Variants in FGF13 observed in about 807,000 individuals in gnomAD.
FGF13 encodes fibroblast growth factor homologous factor 2.
Under a neutral mutation model 19.5 loss-of-function variants are expected in FGF13, and 2 were observed. The observed-to-expected ratio is 0.10, with a 90% CI of 0.04 to 0.32. FGF13 has a LOEUF of 0.32. FGF13 is among the 10% of genes least tolerant of loss of function. FGF13 has a pLI of 1.00. For synonymous variants in FGF13, 72 were observed against 76.9 expected (o/e 0.94, Z 0.33); for missense variants, 113 against 192.7 (o/e 0.59, Z 2.45).
chrX:138,815,687 T>A (rs1001898596), intron 3 of FGF13, among the ~76,000 whole-genome samples: 7 of 109,964 alleles, frequency 6.4e-5, no homozygotes, highest in African/African-American at 2.0e-4. Flanking sequence ...ATACATTACA[T>A]CCATGATTAC....
chrX:139,007,926 A>G, intron 1 of FGF13, among the ~76,000 whole-genome samples: 1 of 112,764 alleles, frequency 8.9e-6, no homozygotes, highest in Non-Finnish European at 1.9e-5. Context: ...GTCACTGGCT[A>G]TCTGGAAATA....
intron 2 of FGF13, among the ~76,000 whole-genome samples, chrX:138,703,384 G>T (rs1170712147): frequency 8.9e-6 from 1 of 112,083 alleles, no homozygotes; most frequent in Non-Finnish European, 1.9e-5. Flanking sequence ...AAAATGGAAG[G>T]CTTTTGGTCA....
At chrX:138,796,520 C>T (rs1228283646) in intron 3 of FGF13, among the ~76,000 whole-genome samples, 4 of 111,585 alleles carry the variant, frequency 3.6e-5, no homozygotes, top group Admixed American at 9.5e-5. Context: ...TAAATAGTTC[C>T]GTGATAAACA....
chrX:138,902,201 G>A (rs779234050), intron 1 of FGF13, among the ~76,000 whole-genome samples: 62 of 112,382 alleles, frequency 5.5e-4, no homozygotes, highest in Non-Finnish European at 1.0e-3. Context: ...CTTTTAGCCT[G>A]TTGAGTTGCA....
At chrX:139,119,919 G>T (rs181720788) in intron 1 of FGF13, among the ~76,000 whole-genome samples, 1 of 112,425 alleles carries the variant, frequency 8.9e-6, no homozygotes. Flanking sequence ...ATATGGTTTG[G>T]CTCTGTGTCC....
chrX:138,759,022 G>A (rs147156873), intron 3 of FGF13, among the ~76,000 whole-genome samples: 1 of 111,879 alleles, frequency 8.9e-6, no homozygotes, highest in Non-Finnish European at 1.9e-5. Context: ...AGGCCAACAG[G>A]GTAGCAAAAA....
chrX:138,878,553 G>A (rs1156361167), intron 1 of FGF13, among the ~76,000 whole-genome samples: 1 of 107,726 alleles, frequency 9.3e-6, no homozygotes, highest in African/African-American at 3.5e-5. Flanking sequence ...GTCTATCGTT[G>A]TTGGACATTT....
chrX:139,165,510 C>T (rs1468107972), intron 1 of FGF13, among the ~76,000 whole-genome samples: 2 of 111,300 alleles, frequency 1.8e-5, no homozygotes, highest in East Asian at 2.9e-4. Flanking sequence ...AGAAAAATCC[C>T]GAAAGCACTT....
At chrX:138,938,723 T>TTTTG (rs1195127272) in intron 1 of FGF13, among the ~76,000 whole-genome samples, 2 of 111,583 alleles carry the variant, frequency 1.8e-5, no homozygotes, top group African/African-American at 3.3e-5. Context: ...CAACAAAATA[T>TTTTG]TTTGTTATTC....
rs2089054507 is a variant in FGF13, at chrX:138,625,518, T to TATATACATATATATATATAATATA, written c.*7331_*7332insTATATTATATATATATATGTATAT. The TATATACATATATATATATAATATA allele has an allele frequency of 1.1e-5, 1 of 94,247 alleles. No homozygotes were observed. The highest frequency in any genetic ancestry group is 2.0e-5 in the Non-Finnish European group (1 of 49,646). The allele number at this position is 94,247 out of a possible 1,213,427, so 7.8% of individuals were successfully genotyped here. A position where few individuals can be genotyped will look rare whatever the true frequency, so the allele number is the denominator to read the frequency against. On this transcript the variant is annotated 3_prime_UTR_variant, in exon 5 of 5. Transcript: ENST00000315930. ...ATATACATATATATATATAATATAA[T>TATATACATATATATATATAATATA]ATATATATATATCTTAGCCATATAA... is the stretch of plus-strand genomic sequence containing the variant.
chrX:138,937,771 A>C (rs1439990391), intron 1 of FGF13, among the ~76,000 whole-genome samples: 1 of 112,360 alleles, frequency 8.9e-6, no homozygotes, highest in Non-Finnish European at 1.9e-5. Flanking sequence ...GCCAAAAAGA[A>C]AAAGAGAAGG....
At chrX:138,997,535 T>C (rs2092049075) in intron 1 of FGF13, among the ~76,000 whole-genome samples, 2 of 111,407 alleles carry the variant, frequency 1.8e-5, no homozygotes, top group South Asian at 3.8e-4. Context: ...TCGAGAACCA[T>C]ACACAAGTTT....
intron 3 of FGF13, among the ~76,000 whole-genome samples, chrX:138,845,565 T>C (rs2091175480): frequency 1.8e-5 from 2 of 111,917 alleles, no homozygotes; most frequent in South Asian, 7.5e-4. Context: ...GGTTGTATAT[T>C]TAAATGGAGT....
intron 1 of FGF13, among the ~76,000 whole-genome samples, chrX:138,952,781 A>T (rs1474285581): frequency 1.8e-5 from 2 of 111,619 alleles, no homozygotes; most frequent in African/African-American, 6.5e-5. Flanking sequence ...ATGAACAGAC[A>T]CTTCTCAAAA....
intron 1 of FGF13, among the ~76,000 whole-genome samples, chrX:139,198,032 G>A (rs1021501060): frequency 1.5e-4 from 16 of 103,619 alleles, no homozygotes; most frequent in Middle Eastern, 4.3e-3. Context: ...TAAAATAAGA[G>A]TTGTCTTTAG....
chrX:139,125,682 A>G (rs369401281), intron 1 of FGF13, among the ~76,000 whole-genome samples: 1 of 112,187 alleles, frequency 8.9e-6, no homozygotes, highest in East Asian at 2.8e-4. Flanking sequence ...TGGTCTGGGC[A>G]TCTGCTCAGT....
intron 1 of FGF13, among the ~76,000 whole-genome samples, chrX:138,950,713 T>C (rs750571416): frequency 2.3e-4 from 26 of 112,032 alleles, no homozygotes; most frequent in Non-Finnish European, 4.1e-4. Context: ...TTTATAATCA[T>C]ATCTGTCATG....
intron 1 of FGF13, among the ~76,000 whole-genome samples, chrX:139,099,497 T>C (rs2083493949): frequency 9.0e-6 from 1 of 110,654 alleles, no homozygotes; most frequent in African/African-American, 3.3e-5. Flanking sequence ...GGATCAATGG[T>C]TGTCCTTTTG....
chrX:138,874,604 G>C (rs1375199106), intron 1 of FGF13, among the ~76,000 whole-genome samples: 3 of 111,645 alleles, frequency 2.7e-5, no homozygotes, highest in Non-Finnish European at 3.8e-5. Flanking sequence ...AAGATGTTTT[G>C]GGCAAGAGAG....
Sources: allele counts gnomAD v4.1 joint callset (sites outside exome capture counted in the v4.1 genomes callset), GRCh38; gene constraint gnomAD v4.1.1; transcripts MANE v1.5; gene names NCBI Gene and HGNC (gene_info 2026-07-23, HGNC 2026-07-21).